The following ABCB5 variants were observed in gnomAD, a reference collection of about 807,000 sequenced individuals.
ABCB5 encodes ATP-binding cassette sub-family B member 5.
ABCB5 carries 155 observed loss-of-function variants against 144.2 expected under a neutral mutation model. The ratio of observed to expected loss-of-function variants is 1.08; its 90% CI spans 0.94 to 1.23. The LOEUF (loss-of-function observed/expected upper bound fraction) is 1.23, where lower values mean the gene tolerates loss of function less well. Ranked by LOEUF, ABCB5 falls within the 50% of genes most tolerant of loss-of-function variation. ABCB5 has a pLI of 0.00. For missense variants in ABCB5, 1,830 were observed against 1,520.8 expected, an observed-to-expected ratio of 1.20 and a Z score of -3.38; for synonymous variants, 610 against 528.6, an observed-to-expected ratio of 1.15 and a Z score of -2.11.
intron 14 of ABCB5, among the ~76,000 whole-genome samples, chr7:20,665,864 GT>G (rs1281977424): frequency 8.1e-5 from 3 of 37,088 alleles, no homozygotes; most frequent in African/African-American, 5.5e-4. Flanking sequence ...GGATTTTGCA[GT>G]TAAAAAAAAA....
chr7:20,743,462 C>CT (rs1206240759), intron 25 of ABCB5, among the ~76,000 whole-genome samples: 2 of 152,104 alleles, frequency 1.3e-5, no homozygotes, highest in African/African-American at 2.4e-5. Context: ...GCTTTCCCAC[C>CT]ACTCATCCCC....
At chr7:20,635,243 T>C (rs540904566) in intron 5 of ABCB5, among the ~76,000 whole-genome samples, 169 of 152,274 alleles carry the variant, frequency 1.1e-3, no homozygotes, top group African/African-American at 3.8e-3. Context: ...GGGTTCTCTA[T>C]TCTTTTTCCT....
intron 20 of ABCB5, among the ~76,000 whole-genome samples, chr7:20,706,446 C>A (rs889211164): frequency 6.6e-6 from 1 of 152,198 alleles, no homozygotes; most frequent in African/African-American, 2.4e-5. Context: ...AAAGACCCAA[C>A]ATTACTGTCC....
chr7:20,673,196 C>T (rs927370446), intron 14 of ABCB5, among the ~76,000 whole-genome samples: 2 of 151,798 alleles, frequency 1.3e-5, no homozygotes, highest in African/African-American at 4.8e-5. Context: ...GATTATGGTC[C>T]CTCTTAGTAA....
chr7:20,742,255 T>A (rs1782585382), intron 24 of ABCB5, among the ~76,000 whole-genome samples: 1 of 152,060 alleles, frequency 6.6e-6, no homozygotes, highest in South Asian at 2.1e-4. Context: ...ACGCTGGTGG[T>A]CCCAGCTACT....
chr7:20,746,729 G>C (rs1313876799), intron 26 of ABCB5, among the ~76,000 whole-genome samples: 1 of 152,180 alleles, frequency 6.6e-6, no homozygotes, highest in Non-Finnish European at 1.5e-5. Context: ...TGCACAGAGA[G>C]GGATAATTGT....
At chr7:20,711,348 T>C (rs1025799179) in intron 20 of ABCB5, among the ~76,000 whole-genome samples, 5 of 149,876 alleles carry the variant, frequency 3.3e-5, no homozygotes, top group African/African-American at 4.9e-5. Flanking sequence ...TGATAGTGAC[T>C]AATTATTTCA....
intron 16 of ABCB5, among the ~76,000 whole-genome samples, chr7:20,695,127 T>C (rs1165025455): frequency 6.6e-6 from 1 of 152,036 alleles, no homozygotes; most frequent in Non-Finnish European, 1.5e-5. Flanking sequence ...ATTTCAATTC[T>C]GTTTCAACTA....
At chr7:20,664,846 T>C (rs148892500) in intron 14 of ABCB5, among the ~76,000 whole-genome samples, 37 of 152,330 alleles carry the variant, frequency 2.4e-4, no homozygotes, top group African/African-American at 8.7e-4. Flanking sequence ...TCCCAGCTAC[T>C]TGGGAGGCTA....
intron 23 of ABCB5, among the ~76,000 whole-genome samples, chr7:20,731,970 A>G (rs1434338648): frequency 1.3e-5 from 2 of 152,164 alleles, no homozygotes; most frequent in Non-Finnish European, 2.9e-5. Context: ...CACAAATCCA[A>G]TAGCACCAGT....
At chr7:20,663,719 T>C (rs925472202) in intron 14 of ABCB5, among the ~76,000 whole-genome samples, 8 of 148,136 alleles carry the variant, frequency 5.4e-5, no homozygotes, top group African/African-American at 2.0e-4. Context: ...TAGGCTTTTT[T>C]TTTTTTTTTT....
At chr7:20,635,127 C>G (rs1215006959) in intron 5 of ABCB5, among the ~76,000 whole-genome samples, 1 of 152,004 alleles carries the variant, frequency 6.6e-6, no homozygotes, top group Non-Finnish European at 1.5e-5. Context: ...TTACAGATTT[C>G]CAATTTTCCC....
chr7:20,702,586 T>A (rs980326954), intron 19 of ABCB5, among the ~76,000 whole-genome samples: 24 of 151,862 alleles, frequency 1.6e-4, no homozygotes, highest in African/African-American at 5.8e-4. Context: ...CTTGAAAGTT[T>A]AAAAAACAAA....
chr7:20,702,828 A>ATT (rs5882755), intron 19 of ABCB5, among the ~76,000 whole-genome samples: 2 of 114,098 alleles, frequency 1.8e-5, no homozygotes, highest in Admixed American at 1.9e-4. Context: ...CGCCTGGCTA[A>ATT]TTTTTTTTTT....
Position 20,634,183 on chromosome 7 carries a change from C to CAA in ABCB5, c.314+2079_314+2080dup, listed in dbSNP as rs11389031. ...GCCTCTTGATCCATCCATGTTGCTG[C>CAA]AAAAAAAAAACAAACCATGATCTCA... On this transcript the variant is annotated intron_variant, in intron 5 of 27. Transcript: ENST00000404938. Among the ~76,000 whole-genome samples, 1,327 of 144,846 alleles carry CAA rather than the reference C, an allele frequency of 9.2e-3. 13 individuals carry two copies. Among genetic ancestry groups the CAA allele is most frequent in the Non-Finnish European group, 9.8e-3 (654 of 66,406 alleles).
intron 4 of ABCB5, among the ~76,000 whole-genome samples, chr7:20,631,200 T>C (rs1335899320): frequency 6.6e-6 from 1 of 152,122 alleles, no homozygotes; most frequent in East Asian, 1.9e-4. Flanking sequence ...GCAGGAACCA[T>C]TTTTAGAAAC....
chr7:20,639,994 C>T (rs1784258811), intron 5 of ABCB5, among the ~76,000 whole-genome samples: 1 of 152,122 alleles, frequency 6.6e-6, no homozygotes, highest in Non-Finnish European at 1.5e-5. Flanking sequence ...CATGGATTGT[C>T]TCTTCATTTA....
chr7:20,661,540 C>CTTTT (rs71555814), intron 14 of ABCB5, among the ~76,000 whole-genome samples: 70 of 139,982 alleles, frequency 5.0e-4, no homozygotes, highest in Admixed American at 9.3e-4. Flanking sequence ...TTTTCTTTTT[C>CTTTT]TTTTTTTTTT....
intron 24 of ABCB5, among the ~76,000 whole-genome samples, chr7:20,740,060 T>C (rs2005762): frequency 0.81 from 123,225 of 151,846 alleles, 50,205 homozygotes; most frequent in East Asian, 0.86. Context: ...TGAAACCCCG[T>C]CTCTACTAAA....
Sources: allele counts gnomAD v4.1 joint callset (sites outside exome capture counted in the v4.1 genomes callset), GRCh38; gene constraint gnomAD v4.1.1; transcripts MANE v1.5; gene names NCBI Gene and HGNC (gene_info 2026-07-23, HGNC 2026-07-21).